The following STX2 variants were observed in gnomAD, a reference collection of about 807,000 sequenced individuals.
The protein encoded by STX2 is syntaxin 2, also known as syntaxin-2.
In STX2, 27 loss-of-function variants were observed where a neutral mutation model predicts 40.6. The observed-to-expected ratio is 0.66, with a 90% CI of 0.49 to 0.92. STX2 has a LOEUF of 0.92. Among genes scored for constraint, STX2 ranks in the 40% least tolerant of loss-of-function variants. The pLI, the probability that STX2 is intolerant of heterozygous loss-of-function variation, is 0.00. For synonymous variants in STX2, 123 were observed against 119.1 expected (o/e 1.03, Z -0.22); for missense variants, 328 against 366.1 (o/e 0.90, Z 0.85).
intron 9 of STX2, among the ~76,000 whole-genome samples, chr12:130,796,728 G>A (rs1480610524): frequency 1.3e-5 from 2 of 152,170 alleles, no homozygotes; most frequent in African/African-American, 4.8e-5. Flanking sequence ...CGCATGTACA[G>A]AGGTGCGGGC....
chr12:130,805,809 G>T lies in STX2; in HGVS notation c.463+1173C>A, dbSNP rs994628071. Among the ~76,000 whole-genome samples the T allele has an allele frequency of 2.0e-5, 3 of 152,142 alleles. No homozygotes were observed. The South Asian group carries it at 6.2e-4, about 32-fold the overall frequency. Reference sequence around the variant, plus strand: ...AATACTCAGCACCCAACAAAGTAACGTTCACAATGTCTGGCACACACTCGA... The same window carrying T: ...AATACTCAGCACCCAACAAAGTAACTTTCACAATGTCTGGCACACACTCGA... On this transcript the variant is annotated intron_variant, in intron 6 of 10. Coordinates refer to ENST00000392373, the MANE Select transcript of STX2 (RefSeq NM_194356.4).
In STX2 at chr12:130,791,700, C is replaced by T. The variant is rs1470498928; in HGVS notation, c.*323G>A. The T allele has an allele frequency of 1.3e-5, 7 of 530,632 alleles. No homozygotes were observed. Among genetic ancestry groups the T allele is most frequent in the Admixed American group, 3.8e-5 (1 of 26,604 alleles). The allele number at this position is 530,632 out of a possible 1,614,324, so 32.9% of individuals were successfully genotyped here. Reference sequence around the variant, plus strand: ...TTCTGTAGTGTGTCATTCAGGGTCACGCATCACACCCACTGTGCTTACGGC... The same window carrying T: ...TTCTGTAGTGTGTCATTCAGGGTCATGCATCACACCCACTGTGCTTACGGC... On this transcript the variant is annotated 3_prime_UTR_variant, in exon 11 of 11. Coordinates refer to ENST00000392373, the MANE Select transcript of STX2 (RefSeq NM_194356.4).
intron 2 of STX2, among the ~76,000 whole-genome samples, chr12:130,821,999 C>G (rs1314959572): frequency 6.6e-6 from 1 of 152,184 alleles, no homozygotes; most frequent in African/African-American, 2.4e-5. Context: ...CAGTACCAAT[C>G]AACATTCACC....
At chr12:130,810,289 C>CA (rs1475788094) in intron 4 of STX2, among the ~76,000 whole-genome samples, 2 of 152,054 alleles carry the variant, frequency 1.3e-5, no homozygotes, top group Non-Finnish European at 2.9e-5. Flanking sequence ...AAAATCCTTT[C>CA]AAAAAAATTT....
chr12:130,802,552 T>C (rs1158429112), intron 6 of STX2, among the ~76,000 whole-genome samples: 4 of 152,124 alleles, frequency 2.6e-5, no homozygotes, highest in African/African-American at 9.7e-5. Context: ...GACTGGAGTG[T>C]AGTGGTGCAA....
intron 4 of STX2, 44 bp downstream of exon 4, chr12:130,812,913 C>A: frequency 7.8e-7 from 1 of 1,281,354 alleles, no homozygotes; most frequent in Non-Finnish European, 1.1e-6. Context: ...AACAAATACC[C>A]ATACTCCCAA....
At chr12:130,806,551 G>A (rs1000829268) in intron 6 of STX2, among the ~76,000 whole-genome samples, 4 of 152,146 alleles carry the variant, frequency 2.6e-5, no homozygotes, top group Admixed American at 2.0e-4. Flanking sequence ...CGAAGAAGGC[G>A]CCATCTCCAC....
intron 1 of STX2, among the ~76,000 whole-genome samples, chr12:130,829,384 T>C (rs954156251): frequency 6.6e-6 from 1 of 151,926 alleles, no homozygotes; most frequent in African/African-American, 2.4e-5. Context: ...TGAAACACAG[T>C]GCAGGGATCA....
intron 6 of STX2, among the ~76,000 whole-genome samples, chr12:130,804,875 C>T (rs888936327): frequency 1.3e-5 from 2 of 151,552 alleles, no homozygotes; most frequent in South Asian, 4.3e-4. Context: ...AGAGAAGAAA[C>T]TGGAAATGAA....
rs1012255155 is a variant in STX2, at chr12:130,791,138, A to T, written c.*885T>A. ...AAAACGTGATAAAAATTATTTCTTC[A>T]AACAGGCAATAAAACAGTATAAAAG... On this transcript the variant is annotated 3_prime_UTR_variant, in exon 11 of 11. Transcript: ENST00000392373. 6.6e-6 allele frequency: 1 copy of T among 152,196 alleles called. No homozygotes were observed. The highest frequency in any genetic ancestry group is 2.4e-5 in the African/African-American group (1 of 41,434). The allele number at this position is 152,196 out of a possible 1,614,324, so 9.4% of individuals were successfully genotyped here.
At chr12:130,833,604 T>C (rs916330849) in intron 1 of STX2, among the ~76,000 whole-genome samples, 2 of 152,016 alleles carry the variant, frequency 1.3e-5, no homozygotes, top group African/African-American at 4.8e-5. Context: ...AGAGACGAGG[T>C]TTCCCCCTGT....
intron 5 of STX2, among the ~76,000 whole-genome samples, chr12:130,808,130 T>C (rs1256970999): frequency 6.6e-6 from 1 of 152,130 alleles, no homozygotes; most frequent in East Asian, 1.9e-4. Context: ...GAAATGCATG[T>C]ATAGCTCCTC....
chr12:130,803,092 T>G (rs534632486), intron 6 of STX2, among the ~76,000 whole-genome samples: 1 of 152,358 alleles, frequency 6.6e-6, no homozygotes, highest in Admixed American at 6.5e-5. Context: ...ATTAAGAGAT[T>G]TACTTCTCAA....
At chr12:130,835,371 A>G (rs1416651855) in intron 1 of STX2, among the ~76,000 whole-genome samples, 6 of 152,254 alleles carry the variant, frequency 3.9e-5, no homozygotes, top group African/African-American at 1.4e-4. Flanking sequence ...AGGTCTACTA[A>G]GAACACCACA....
chr12:130,833,501 C>A (rs1307482389), intron 1 of STX2, among the ~76,000 whole-genome samples: 1 of 151,442 alleles, frequency 6.6e-6, no homozygotes. Flanking sequence ...ACCTCCACTT[C>A]CCAGGTTCCA....
At chr12:130,814,806 T>C (rs1419294064) in intron 3 of STX2, among the ~76,000 whole-genome samples, 1 of 151,876 alleles carries the variant, frequency 6.6e-6, no homozygotes, top group African/African-American at 2.4e-5. Context: ...CCAGCTAATT[T>C]TTGTATTTTT....
At position 130,808,684 on chromosome 12, in the gene STX2, G is replaced by C; in HGVS notation, c.301C>G (p.Gln101Glu). The C allele has an allele frequency of 1.9e-6, 3 of 1,611,728 alleles. No homozygotes were observed. The highest frequency in any genetic ancestry group is 2.5e-6 in the Non-Finnish European group (3 of 1,179,376). ...KLKAIEQSFD[Q>E]DESGNRTSVD... The stretch of plus-strand genomic sequence containing the variant: ...GAAGTCCGGTTCCCACTCTCATCCT[G>C]ATCAAAACTTTGTTCAATAGCTAGG... The change falls in exon 5 of 11, where the codon CAG becomes GAG. Residue 101 changes from glutamine (Q) to glutamate (E), a missense_variant. Gln to Glu is a conservative substitution (Grantham distance 29). Coordinates refer to ENST00000392373, the MANE Select transcript of STX2 (RefSeq NM_194356.4).
rs1286866116 is a variant in STX2 at position 130,791,876 on chromosome 12, T to A, written c.*147A>T. On this transcript the variant is annotated 3_prime_UTR_variant, in exon 11 of 11. Coordinates refer to ENST00000392373, the MANE Select transcript of STX2 (RefSeq NM_194356.4). ...GCAGATGTGGTCTGAGTCTCAAGGATAAATGGCTCTTGGGATATGGTTGCT... is the reference window on the plus strand; with the variant it reads ...GCAGATGTGGTCTGAGTCTCAAGGAAAAATGGCTCTTGGGATATGGTTGCT... 1.2e-6 allele frequency: 2 copies of A among 1,602,180 alleles called. No individual in the cohort carries two copies. Among genetic ancestry groups the A allele is most frequent in the Non-Finnish European group, 1.7e-6 (2 of 1,170,840 alleles).
intron 10 of STX2, among the ~76,000 whole-genome samples, chr12:130,793,382 C>T (rs1468895615): frequency 6.6e-6 from 1 of 152,202 alleles, no homozygotes; most frequent in Non-Finnish European, 1.5e-5. Flanking sequence ...TTCCCTCCCT[C>T]CAGAGGGAGG....
Sources: gnomAD v4.1 joint callset for allele counts (sites outside exome capture counted in the v4.1 genomes callset) on GRCh38, gnomAD v4.1.1 for gene constraint, MANE v1.5 for transcripts, NCBI Gene and HGNC (gene_info 2026-07-23, HGNC 2026-07-21) for gene names.